Variants in MYH15 observed in about 807,000 individuals in gnomAD.
MYH15 encodes myosin heavy chain 15, also known as myosin-15.
A neutral mutation model predicts 240.5 loss-of-function variants in MYH15; 227 were observed. The observed-to-expected ratio is 0.94, with a 90% CI of 0.85 to 1.05. MYH15 has a LOEUF of 1.05. Ranked by LOEUF, MYH15 falls within the 50% of genes least tolerant of loss-of-function variation. MYH15 has a pLI of 0.00. For missense variants in MYH15, 2,217 were observed against 2,247.5 expected (o/e 0.99, Z 0.27); for synonymous variants, 785 against 796.7 (o/e 0.99, Z 0.25).
intron 27 of MYH15, among the ~76,000 whole-genome samples, chr3:108,426,582 T>C (rs2082726359): frequency 6.6e-6 from 1 of 152,210 alleles, no homozygotes; most frequent in Non-Finnish European, 1.5e-5. Context: ...GCAGGAGATA[T>C]GGAAGCATAG....
chr3:108,475,574 G>T lies in MYH15; in HGVS notation c.1233+823C>A, dbSNP rs72941713. On this transcript the variant is annotated intron_variant, in intron 12 of 40. Coordinates refer to ENST00000693548, the MANE Select transcript of MYH15 (RefSeq NM_014981.3). ...ATCTTTTCTCCTTGTGCAGTCACTTGGGAGGCCGTGTGTCCCAGATGGCAT... is the reference window on the plus strand; with the variant it reads ...ATCTTTTCTCCTTGTGCAGTCACTTTGGAGGCCGTGTGTCCCAGATGGCAT... Among the ~76,000 whole-genome samples, 1,401 of 152,232 alleles carry T rather than the reference G, an allele frequency of 9.2e-3. 21 individuals carry two copies. Among genetic ancestry groups the T allele is most frequent in the African/African-American group, 0.032 (1,320 of 41,546 alleles).
chr3:108,533,811 A>ATACAAC (rs1309380583), upstream of MYH15, among the ~76,000 whole-genome samples: 2 of 152,220 alleles, frequency 1.3e-5, no homozygotes, highest in Non-Finnish European at 2.9e-5. Flanking sequence ...GAATCTGGAC[A>ATACAAC]TACAACTACA....
chr3:108,541,561 G>T, the MYH15 span, among the ~76,000 whole-genome samples: 2 of 152,056 alleles, frequency 1.3e-5, no homozygotes, highest in African/African-American at 4.8e-5. Context: ...TACATATATG[G>T]TAGCCATGAA....
chr3:108,398,654 T>C lies in MYH15; in HGVS notation c.5116A>G (p.Asn1706Asp). The C allele has an allele frequency of 6.2e-7, 1 of 1,613,268 alleles. No homozygotes were observed. The highest frequency in any genetic ancestry group is 8.5e-7 in the Non-Finnish European group (1 of 1,180,040). ...EELLEATERI[N>D]LFYTQNTSLL... is the part of the protein sequence containing the mutation. ...GGCCCCACCTGGGTATAGAAAAGAT[T>C]GATTCTTTCTGTTGCTTCCAGGAGC... The change falls in exon 35 of 41, where the codon AAT becomes GAT. Residue 1706 changes from asparagine to aspartate, a missense_variant. Asn to Asp is a conservative substitution (Grantham distance 23, BLOSUM62 1). Coordinates refer to ENST00000693548, the MANE Select transcript of MYH15 (RefSeq NM_014981.3).
intron 25 of MYH15, among the ~76,000 whole-genome samples, chr3:108,432,502 G>A (rs2082786801): frequency 6.6e-6 from 1 of 152,162 alleles, no homozygotes. Context: ...GGAACCAAAT[G>A]TTAATACCCA....
At chr3:108,544,707 C>T in the MYH15 span, among the ~76,000 whole-genome samples, 1 of 152,140 alleles carries the variant, frequency 6.6e-6, no homozygotes, top group African/African-American at 2.4e-5. Flanking sequence ...GGATTCTGTA[C>T]AAATTCCCAA....
chr3:108,417,682 T>C (rs2082644790), intron 28 of MYH15, among the ~76,000 whole-genome samples: 1 of 151,958 alleles, frequency 6.6e-6, no homozygotes, highest in Non-Finnish European at 1.5e-5. Flanking sequence ...TATCTGTAAG[T>C]TCTGCTTTGT....
At chr3:108,542,329 T>C in the MYH15 span, among the ~76,000 whole-genome samples, 120 of 152,322 alleles carry the variant, frequency 7.9e-4, 1 homozygote, top group Non-Finnish European at 1.5e-3. Context: ...AAAATGAATG[T>C]CATGTACCCA....
At position 108,464,708 on chromosome 3, in the gene MYH15, T is replaced by C. The variant is rs757975090; in HGVS notation, c.1661A>G (p.His554Arg). The C allele has an allele frequency of 1.9e-6, 3 of 1,614,024 alleles. No individual in the cohort carries two copies. Among genetic ancestry groups the C allele is most frequent in the Admixed American group, 1.7e-5 (1 of 60,002 alleles). ...LFDNHFGKSV[H>R]LQKPKPDKKK... Reference sequence around the variant, plus strand: ...CTTATCAGGCTTGGGCTTCTGGAGATGAACCGACTTTCCAAAATGGTTGTC... The same window carrying C: ...CTTATCAGGCTTGGGCTTCTGGAGACGAACCGACTTTCCAAAATGGTTGTC... The change falls in exon 15 of 41, where the codon CAT (histidine) becomes CGT (arginine). Residue 554 changes from histidine to arginine, a missense_variant. By Grantham distance (29) the His-to-Arg change is conservative. Coordinates refer to ENST00000693548, the MANE Select transcript of MYH15 (RefSeq NM_014981.3).
intron 30 of MYH15, 92 bp downstream of exon 30, chr3:108,414,140 G>A (rs2082615450): frequency 7.4e-7 from 1 of 1,350,970 alleles, no homozygotes; most frequent in East Asian, 2.3e-5. Context: ...GATTTGTTAA[G>A]TGCATACCAT....
chr3:108,512,636 T>C (rs576170159), upstream of MYH15, among the ~76,000 whole-genome samples: 1 of 152,272 alleles, frequency 6.6e-6, no homozygotes, highest in South Asian at 2.1e-4. Context: ...AGAACTACCT[T>C]TCATTTCATT....
At chr3:108,482,206 T>G (rs1004920808) in intron 11 of MYH15, among the ~76,000 whole-genome samples, 1 of 152,156 alleles carries the variant, frequency 6.6e-6, no homozygotes, top group Non-Finnish European at 1.5e-5. Flanking sequence ...GGTGGCATTT[T>G]TGAAGAAGAC....
intron 11 of MYH15, among the ~76,000 whole-genome samples, chr3:108,480,658 A>C (rs886778338): frequency 2.0e-5 from 3 of 152,204 alleles, no homozygotes; most frequent in Non-Finnish European, 2.9e-5. Context: ...AGAGAGACTG[A>C]GAAATATGAC....
chr3:108,393,972 T>G (rs1180193892), intron 36 of MYH15, 59 bp downstream of exon 36: 4 of 1,610,070 alleles, frequency 2.5e-6, no homozygotes, highest in Non-Finnish European at 3.4e-6. Flanking sequence ...CCCTGCCCCT[T>G]GGCCACTGCG....
intron 25 of MYH15, among the ~76,000 whole-genome samples, 199 bp downstream of exon 25, chr3:108,437,355 C>T (rs1319856005): frequency 6.6e-6 from 1 of 151,788 alleles, no homozygotes; most frequent in African/African-American, 2.4e-5. Context: ...TTACGTCCTT[C>T]TAGATTATGC....
At chr3:108,460,853 GA>G (rs2083065960) in intron 16 of MYH15, among the ~76,000 whole-genome samples, 1 of 152,018 alleles carries the variant, frequency 6.6e-6, no homozygotes, top group Non-Finnish European at 1.5e-5. Flanking sequence ...TGTTATAGGT[GA>G]CTATAAACAT....
intron 1 of MYH15, among the ~76,000 whole-genome samples, chr3:108,525,008 C>T (rs2083655807): frequency 6.6e-6 from 1 of 152,080 alleles, no homozygotes; most frequent in African/African-American, 2.4e-5. Context: ...TTTCCATTCA[C>T]ATCACATTAT....
rs2082480912 is a variant in MYH15 at position 108,398,686 on chromosome 3, T to G, written c.5084A>C (p.Glu1695Ala). 2 of 1,613,872 alleles carry G rather than the reference T, an allele frequency of 1.2e-6. No individual in the cohort carries two copies. Among genetic ancestry groups the G allele is most frequent in the Non-Finnish European group, 8.5e-7 (1 of 1,180,050 alleles). ...EQTERGRRLS[E>A]EELLEATERI... ...TTCTGTTGCTTCCAGGAGCTCTTCT[T>G]CTGACAGCCTGCGGCCACGCTCTGT... Residue 1695 changes from glutamate to alanine, a missense_variant, in exon 35 of 41, where the codon GAA becomes GCA. Coordinates refer to ENST00000693548, the MANE Select transcript of MYH15 (RefSeq NM_014981.3).
chr3:108,397,326 C>T (rs1382877307), intron 35 of MYH15, among the ~76,000 whole-genome samples: 1 of 152,176 alleles, frequency 6.6e-6, no homozygotes, highest in Non-Finnish European at 1.5e-5. Context: ...TAAACTCCTT[C>T]CCCCTGCCCC....
Sources: gnomAD v4.1 joint callset for allele counts (sites outside exome capture counted in the v4.1 genomes callset) on GRCh38, gnomAD v4.1.1 for gene constraint, MANE v1.5 for transcripts, NCBI Gene and HGNC (gene_info 2026-07-23, HGNC 2026-07-21) for gene names.